RASGRF1: variants seen among roughly 807,000 people sequenced by gnomAD.
RASGRF1 encodes Ras protein specific guanine nucleotide releasing factor 1.
A neutral mutation model predicts 138.7 loss-of-function variants in RASGRF1; 40 were observed. The observed-to-expected ratio is 0.29, with a 90% CI of 0.22 to 0.38. The LOEUF is 0.38. Among genes scored for constraint, RASGRF1 ranks in the 10% least tolerant of loss-of-function variants. The probability of loss-of-function intolerance (pLI) is 1.00; values close to 1 mark genes in which losing one functional copy is unlikely to be tolerated. For missense variants in RASGRF1, 1,108 were observed against 1,650.4 expected (o/e 0.67, Z 5.69); for synonymous variants, 614 against 663.2 (o/e 0.93, Z 1.14).
intron 25 of RASGRF1, among the ~76,000 whole-genome samples, chr15:78,972,550 C>T (rs74024497): frequency 0.024 from 3,698 of 152,180 alleles, 144 homozygotes; most frequent in African/African-American, 0.075. Context: ...CAAAACCCCA[C>T]GACTCCAGCA....
rs1179559861 is a variant in RASGRF1 at position 79,046,700 on chromosome 15, C to T, written c.878+46G>A. The T allele has an allele frequency of 6.2e-7, 1 of 1,605,506 alleles. No homozygotes were observed. On this transcript the variant is annotated intron_variant, in intron 5 of 26. Transcript: ENST00000558480. This position sits in a 1 kb window ranked among gnomAD's most constrained non-coding sequence, Gnocchi z 5.3. ...TGTCAAAGCTTAGCTGCGGCCAATG[C>T]TCACTAGTCTCCTTCCTGCCTTGGC...
chr15:79,062,984 C>T (rs2057628653), intron 2 of RASGRF1, among the ~76,000 whole-genome samples: 1 of 152,078 alleles, frequency 6.6e-6, no homozygotes, highest in Non-Finnish European at 1.5e-5. Context: ...CATTTCAATG[C>T]TACCAATCTA....
chr15:79,078,662 C>T (rs534876531), intron 1 of RASGRF1, among the ~76,000 whole-genome samples: 25 of 152,262 alleles, frequency 1.6e-4, no homozygotes, highest in African/African-American at 6.0e-4. Context: ...GGGTCAGGAC[C>T]CCACTTTGTG....
chr15:79,001,896 A>T (rs2056536693), intron 15 of RASGRF1, 109 bp from the exon 16 acceptor site: 2 of 747,874 alleles, frequency 2.7e-6, no homozygotes, highest in Non-Finnish European at 3.7e-6. Context: ...AACAGAGTAA[A>T]CTTGGGATAC....
intron 1 of RASGRF1, among the ~76,000 whole-genome samples, chr15:79,082,429 G>T (rs946462027): frequency 6.6e-6 from 1 of 152,220 alleles, no homozygotes; most frequent in Non-Finnish European, 1.5e-5. Flanking sequence ...CCAGGTCCCT[G>T]AGTGATCATC....
intron 15 of RASGRF1, 70 bp downstream of exon 15, chr15:79,003,732 T>G: frequency 1.3e-6 from 2 of 1,518,842 alleles, no homozygotes; most frequent in Non-Finnish European, 1.8e-6. Context: ...CCCTGAGGCC[T>G]TGCTGGGCCA....
chr15:78,978,064 A>G (rs1331957459), intron 24 of RASGRF1, among the ~76,000 whole-genome samples: 2 of 152,074 alleles, frequency 1.3e-5, no homozygotes, highest in African/African-American at 4.8e-5. Context: ...ACACATAGTT[A>G]GGGCTGTTGC....
chr15:79,043,480 C>T (rs1453240504), intron 5 of RASGRF1, among the ~76,000 whole-genome samples: 1 of 152,168 alleles, frequency 6.6e-6, no homozygotes, highest in East Asian at 1.9e-4. Flanking sequence ...CTTCTTTGAT[C>T]CTTCAGTGCC....
intron 13 of RASGRF1, among the ~76,000 whole-genome samples, chr15:79,007,796 TCCTGCCTTGGCCTC>T (rs2056714070): frequency 6.6e-6 from 1 of 151,756 alleles, no homozygotes; most frequent in African/African-American, 2.4e-5. Flanking sequence ...CAAGCAATCC[TCCTGCCTTGGCCTC>T]CCAAAGTGCT....
intron 1 of RASGRF1, among the ~76,000 whole-genome samples, chr15:79,067,383 C>T (rs1346336431): frequency 6.6e-6 from 1 of 152,198 alleles, no homozygotes; most frequent in African/African-American, 2.4e-5. Flanking sequence ...AGAGACACAA[C>T]TGCCCTAGAA....
chr15:79,013,139 C>T (rs1235980456), intron 13 of RASGRF1, among the ~76,000 whole-genome samples: 3 of 152,186 alleles, frequency 2.0e-5, no homozygotes, highest in Non-Finnish European at 2.9e-5. Flanking sequence ...CCATTTACAA[C>T]GTGAGAAACC....
chr15:78,980,751 GA>G, intron 23 of RASGRF1, 52 bp from the exon 24 acceptor site: 8 of 1,396,794 alleles, frequency 5.7e-6, no homozygotes, highest in Non-Finnish European at 7.0e-6. Context: ...TGTGATCCCC[GA>G]GGCCCGGGGA....
Position 78,985,204 on chromosome 15 carries a change from T to C in RASGRF1, c.3217A>G (p.Ile1073Val), listed in dbSNP as rs2056125038. The change falls in exon 23 of 27, where the codon ATC (isoleucine) becomes GTC (valine). Residue 1073 changes from isoleucine (I) to valine (V), a missense_variant and splice_region_variant. Physicochemically the swap from Ile to Val is conservative, Grantham distance 29. Transcript: ENST00000558480. ...ATTTCTGAAGCAATCAAGTTACTGATCTTTAAGCCGATGCAATAAGACAGG... is the reference window on the plus strand; with the variant it reads ...ATTTCTGAAGCAATCAAGTTACTGACCTTTAAGCCGATGCAATAAGACAGG... ...IMKTTKHFND[I>V]SNLIASEIIR... The C allele has an allele frequency of 6.3e-7, 1 of 1,594,236 alleles. No homozygotes were observed. The highest frequency in any genetic ancestry group is 8.6e-7 in the Non-Finnish European group (1 of 1,162,314).
rs1394176310 is a variant in RASGRF1, at chr15:79,006,255, G to A, written c.2006C>T (p.Thr669Ile). ...NTFLHSYRVF[T>I]TAIVVLDKLI... ...CTTGTCCAGGACCACGATGGCGGTG[G>A]TGAAGACGCGGTAGGAGTGCAGGAA... The change falls in exon 14 of 27, where the codon ACC (threonine) becomes ATC (isoleucine). Residue 669 changes from threonine (T) to isoleucine (I), a missense_variant. Transcript: ENST00000558480. The surrounding 1 kb of genome is among the most constrained non-coding windows in gnomAD (Gnocchi z 4.0). The A allele has an allele frequency of 3.7e-6, 6 of 1,614,134 alleles. No individual in the cohort carries two copies. The highest frequency in any genetic ancestry group is 4.2e-6 in the Non-Finnish European group (5 of 1,180,060).
intron 23 of RASGRF1, among the ~76,000 whole-genome samples, chr15:78,982,977 T>C (rs547830428): frequency 5.3e-5 from 8 of 152,298 alleles, no homozygotes; most frequent in African/African-American, 1.9e-4. Context: ...GCCTGACGCT[T>C]GCCAGGGGCT....
intron 11 of RASGRF1, among the ~76,000 whole-genome samples, chr15:79,018,811 G>C (rs554349576): frequency 5.2e-4 from 79 of 152,274 alleles, no homozygotes; most frequent in African/African-American, 1.8e-3. Flanking sequence ...GGGAACGCTT[G>C]TGGCCAGGAT....
chr15:79,089,647 C>A (rs925205320), intron 1 of RASGRF1, among the ~76,000 whole-genome samples: 2 of 152,242 alleles, frequency 1.3e-5, no homozygotes, highest in African/African-American at 4.8e-5. Flanking sequence ...CACCACCGCT[C>A]GATGGTACCG....
intron 11 of RASGRF1, 46 bp downstream of exon 11, chr15:79,019,995 T>C (rs2056936622): frequency 6.2e-7 from 1 of 1,603,538 alleles, no homozygotes; most frequent in Non-Finnish European, 8.5e-7. Flanking sequence ...AGCGTGTGTG[T>C]ATCTGTGCAA....
rs200333889 is a variant in RASGRF1, at chr15:78,978,895, C to CAGGG, written c.3494+1721_3494+1724dup. On this transcript the variant is annotated intron_variant, in intron 24 of 26. Coordinates refer to ENST00000558480, the MANE Select transcript of RASGRF1 (RefSeq NM_001145648.3). ...CGCAGGCCACCTCTGCCCTGTGCTGCAGGGAGCAGGGGAATGTGGGAGAGA... is the reference window on the plus strand; with the variant it reads ...CGCAGGCCACCTCTGCCCTGTGCTGCAGGGAGGGAGCAGGGGAATGTGGGAGAGA... 159 of 1,243,512 alleles carry CAGGG rather than the reference C, an allele frequency of 1.3e-4. 3 individuals are homozygous for CAGGG. In the African/African-American group the frequency reaches 1.9e-3, roughly 15 times the overall value. 77.0% of individuals were successfully genotyped at this position (1,243,512 alleles called of 1,614,324 possible). A position where few individuals can be genotyped will look rare whatever the true frequency, so the allele number is the denominator to read the frequency against.
Sources: gnomAD v4.1 joint callset for allele counts (sites outside exome capture counted in the v4.1 genomes callset) on GRCh38, gnomAD v4.1.1 for gene constraint, Gnocchi (gnomAD v3.1) non-coding constraint, MANE v1.5 for transcripts, NCBI Gene and HGNC (gene_info 2026-07-23, HGNC 2026-07-21) for gene names.